GALNTL6: variants seen among roughly 807,000 people sequenced by gnomAD.
GALNTL6 encodes the protein polypeptide N-acetylgalactosaminyltransferase-like 6.
In GALNTL6, 46 loss-of-function variants were observed where a neutral mutation model predicts 73.7. The ratio of observed to expected loss-of-function variants is 0.62; its 90% confidence interval spans 0.49 to 0.80. The LOEUF (loss-of-function observed/expected upper bound fraction) is 0.80, where lower values mean the gene tolerates loss of function less well. GALNTL6 is among the 30% of genes least tolerant of loss of function. The probability of loss-of-function intolerance (pLI) is 0.00; values close to 1 mark genes in which losing one functional copy is unlikely to be tolerated. For synonymous variants in GALNTL6, 259 were observed against 263.7 expected (o/e 0.98, Z 0.17); for missense variants, 604 against 755.0 (o/e 0.80, Z 2.34).
At chr4:172,414,547 T>G (rs2111349752) in intron 5 of GALNTL6, among the ~76,000 whole-genome samples, 1 of 152,300 alleles carries the variant, frequency 6.6e-6, no homozygotes, top group African/African-American at 2.4e-5. Flanking sequence ...CACACGATGA[T>G]CTGTAGGTTT....
At chr4:171,870,477 C>T (rs996299838) in intron 2 of GALNTL6, among the ~76,000 whole-genome samples, 14 of 152,104 alleles carry the variant, frequency 9.2e-5, no homozygotes, top group African/African-American at 3.1e-4. Flanking sequence ...TGGCTTAGGG[C>T]GCTTTACCTC....
At chr4:171,973,893 G>T (rs1028075354) in intron 2 of GALNTL6, among the ~76,000 whole-genome samples, 6 of 152,092 alleles carry the variant, frequency 3.9e-5, no homozygotes, top group Admixed American at 1.3e-4. Context: ...GAAGCCAAGG[G>T]TCTTATCCTG....
intron 5 of GALNTL6, among the ~76,000 whole-genome samples, chr4:172,766,422 G>A (rs1245827391): frequency 6.6e-6 from 1 of 151,878 alleles, no homozygotes; most frequent in East Asian, 1.9e-4. Flanking sequence ...AAAAGTCTAT[G>A]CTTTACATTA....
chr4:172,335,020 G>A (rs989162287), intron 4 of GALNTL6, among the ~76,000 whole-genome samples: 2 of 144,918 alleles, frequency 1.4e-5, no homozygotes, highest in Non-Finnish European at 3.0e-5. Flanking sequence ...TCGCTCTGTC[G>A]CCCAGGCTGG....
intron 2 of GALNTL6, among the ~76,000 whole-genome samples, chr4:171,975,426 C>A (rs1739692304): frequency 6.6e-6 from 1 of 152,076 alleles, no homozygotes; most frequent in South Asian, 2.1e-4. Flanking sequence ...AAGTAGGTAT[C>A]CTTTTCTTTA....
intron 10 of GALNTL6, 90 bp from the exon 11 acceptor site, chr4:173,009,086 CTA>C (rs756568485): frequency 4.9e-6 from 4 of 813,812 alleles, no homozygotes; most frequent in Non-Finnish European, 8.5e-6. Context: ...AAAAGATAAT[CTA>C]TGTCTTACTT....
chr4:172,994,366 TCCC>T (rs1751679954), intron 10 of GALNTL6, among the ~76,000 whole-genome samples: 2 of 152,182 alleles, frequency 1.3e-5, no homozygotes, highest in South Asian at 4.1e-4. Context: ...ACAGTTTAGG[TCCC>T]CATTAGTTTG....
At chr4:172,148,960 A>G (rs953838210) in intron 2 of GALNTL6, among the ~76,000 whole-genome samples, 2 of 152,164 alleles carry the variant, frequency 1.3e-5, no homozygotes, top group African/African-American at 4.8e-5. Context: ...TATGATTGCT[A>G]ATTTACACAG....
At chr4:173,022,070 G>GGAAA (rs1491408630) in intron 12 of GALNTL6, among the ~76,000 whole-genome samples, 9 of 70,084 alleles carry the variant, frequency 1.3e-4, no homozygotes, top group African/African-American at 5.3e-4. Context: ...AAGGAAGGAA[G>GGAAA]GAAGGAAGGA....
At chr4:172,726,835 G>A (rs1056108566) in intron 5 of GALNTL6, among the ~76,000 whole-genome samples, 1 of 152,078 alleles carries the variant, frequency 6.6e-6, no homozygotes, top group Non-Finnish European at 1.5e-5. Flanking sequence ...TGGTGTATGA[G>A]GTCCCTATTC....
chr4:172,816,973 G>A (rs530420453), intron 7 of GALNTL6, among the ~76,000 whole-genome samples: 2 of 152,016 alleles, frequency 1.3e-5, no homozygotes, highest in South Asian at 4.1e-4. Flanking sequence ...CGGGCATGGT[G>A]GTGGGTGCCT....
At chr4:171,935,729 G>C (rs1435366197) in intron 2 of GALNTL6, among the ~76,000 whole-genome samples, 3 of 152,102 alleles carry the variant, frequency 2.0e-5, no homozygotes, top group African/African-American at 7.2e-5. Flanking sequence ...CAGCCTTCAG[G>C]AGAGCAAATA....
At chr4:172,635,864 C>T (rs1267649582) in intron 5 of GALNTL6, among the ~76,000 whole-genome samples, 1 of 152,120 alleles carries the variant, frequency 6.6e-6, no homozygotes, top group Non-Finnish European at 1.5e-5. Flanking sequence ...CTTCTGAGTG[C>T]CATATTTGGC....
chr4:172,401,522 A>G (rs981540172), intron 5 of GALNTL6, among the ~76,000 whole-genome samples: 2 of 152,144 alleles, frequency 1.3e-5, no homozygotes, highest in African/African-American at 2.4e-5. Flanking sequence ...AAAATTTCCC[A>G]GTCACTGCAA....
chr4:172,866,610 T>G (rs1744678058), intron 7 of GALNTL6, among the ~76,000 whole-genome samples: 1 of 152,152 alleles, frequency 6.6e-6, no homozygotes, highest in South Asian at 2.1e-4. Flanking sequence ...TTACACACGG[T>G]CCCTCCGCTC....
chr4:172,616,076 C>T (rs1168238855), intron 5 of GALNTL6, among the ~76,000 whole-genome samples: 1 of 152,142 alleles, frequency 6.6e-6, no homozygotes, highest in African/African-American at 2.4e-5. Flanking sequence ...GAAAAGAGCT[C>T]TCTGCTACCA....
At chr4:172,309,753 A>C (rs569610981) in intron 3 of GALNTL6, among the ~76,000 whole-genome samples, 2 of 120,172 alleles carry the variant, frequency 1.7e-5, no homozygotes, top group African/African-American at 2.5e-5. Context: ...ATTTAAAAAT[A>C]GTTCAGTTTG....
intron 5 of GALNTL6, among the ~76,000 whole-genome samples, chr4:172,733,290 G>T (rs1160313196): frequency 1.3e-5 from 2 of 152,152 alleles, no homozygotes; most frequent in Non-Finnish European, 2.9e-5. Flanking sequence ...GAAGCCTGTT[G>T]CCAAACTAAT....
intron 2 of GALNTL6, among the ~76,000 whole-genome samples, chr4:171,842,467 C>T (rs1735263010): frequency 6.6e-6 from 1 of 152,078 alleles, no homozygotes; most frequent in Non-Finnish European, 1.5e-5. Flanking sequence ...TGAAGAAATA[C>T]CTGAGGCTGG....
Sources: gnomAD v4.1 joint callset for allele counts (sites outside exome capture counted in the v4.1 genomes callset) on GRCh38, gnomAD v4.1.1 for gene constraint, MANE v1.5 for transcripts, NCBI Gene and HGNC (gene_info 2026-07-23, HGNC 2026-07-21) for gene names.